The following RLN1 variants were observed in gnomAD, a reference collection of about 807,000 sequenced individuals.
RLN1 encodes prorelaxin H1.
In RLN1, 4 loss-of-function variants were observed where a neutral mutation model predicts 7.2. The ratio of observed to expected loss-of-function variants is 0.56; its 90% CI spans 0.28 to 1.28. The LOEUF is 1.28. RLN1 is among the 50% of genes most tolerant of loss of function. The pLI is 0.11. For synonymous variants in RLN1, 105 were observed against 86.0 expected (o/e 1.22, Z -1.22); for missense variants, 293 against 221.1 (o/e 1.32, Z -2.06).
chr9:5,339,557 G>C lies in RLN1; in HGVS notation c.190C>G (p.Gln64Glu). 1 of 1,599,584 alleles carries C rather than the reference G, an allele frequency of 6.3e-7. No homozygotes were observed. The highest frequency in any genetic ancestry group is 1.4e-5 in the African/African-American group (1 of 70,392). The change falls in exon 1 of 2, where the codon CAG becomes GAG. Residue 64 changes from glutamine to glutamate, a missense_variant. Coordinates refer to ENST00000223862, the MANE Select transcript of RLN1 (RefSeq NM_006911.4). Reference protein sequence around the residue: ...KRSLSQEDAPQTPRPVAEIVP... With the variant: ...KRSLSQEDAPETPRPVAEIVP... The stretch of plus-strand genomic sequence containing the variant: ...TCACCTGCCACTGGTCTAGGTGTCT[G>C]AGGAGCATCTTCCTGGCTCAGAGAC...
chr9:5,335,940 C>G (rs7022239), intron 1 of RLN1, among the ~76,000 whole-genome samples: 105,004 of 151,810 alleles, frequency 0.69, 36,632 homozygotes, highest in South Asian at 0.81. Context: ...TTTGGCCACA[C>G]ATAGTGGTCA....
upstream of RLN1, among the ~76,000 whole-genome samples, chr9:5,340,487 CTA>C (rs1180382835): frequency 6.6e-6 from 1 of 151,960 alleles, no homozygotes; most frequent in African/African-American, 2.4e-5. Context: ...AAATTCTAGT[CTA>C]TGTCTCTGGA....
upstream of RLN1, among the ~76,000 whole-genome samples, chr9:5,340,589 T>C (rs1363987317): frequency 2.0e-5 from 3 of 152,160 alleles, no homozygotes; most frequent in Non-Finnish European, 4.4e-5. Context: ...GCAGTGGACA[T>C]CCCACATTCC....
intron 1 of RLN1, among the ~76,000 whole-genome samples, chr9:5,336,032 G>T (rs2181145): frequency 2.6e-5 from 4 of 151,878 alleles, no homozygotes; most frequent in Admixed American, 6.6e-5. Flanking sequence ...TAGTAACAAC[G>T]CTTGAAAAAG....
At position 5,339,720 on chromosome 9, in the gene RLN1, C is replaced by T; in HGVS notation, c.27G>A (p.Leu9=). ...GGTTCAGTAGTAAACAGAATTCTAG[C>T]AGGTGGAACAAGAACAGGCGAGGCA... is the stretch of plus-strand genomic sequence containing the variant. MPRLFLFH[L]LEFCLLLNQF... is the part of the protein sequence containing the mutation. The change falls in exon 1 of 2, where the codon CTG becomes CTA. Residue 9 remains leucine (L), a synonymous_variant. Transcript: ENST00000223862. 3.1e-6 allele frequency: 5 copies of T among 1,613,458 alleles called. No individual in the cohort carries two copies. The highest frequency in any genetic ancestry group is 4.2e-6 in the Non-Finnish European group (5 of 1,180,024).
At chr9:5,340,597 T>C (rs920513132), upstream of RLN1, among the ~76,000 whole-genome samples, 2 of 152,174 alleles carry the variant, frequency 1.3e-5, no homozygotes, top group Non-Finnish European at 2.9e-5. Context: ...CATCCCACAT[T>C]CCCAGAAATA....
chr9:5,340,891 T>G (rs1563757959), upstream of RLN1, among the ~76,000 whole-genome samples: 1 of 152,232 alleles, frequency 6.6e-6, no homozygotes, highest in Non-Finnish European at 1.5e-5. Context: ...CAGGACGTTA[T>G]GGTAGCTTTG....
At chr9:5,337,055 G>A (rs1184559882) in intron 1 of RLN1, among the ~76,000 whole-genome samples, 1 of 152,008 alleles carries the variant, frequency 6.6e-6, no homozygotes, top group African/African-American at 2.4e-5. Flanking sequence ...TAACACTCTC[G>A]CTCATCCACA....
chr9:5,337,800 AT>A (rs1394947393), intron 1 of RLN1, among the ~76,000 whole-genome samples: 2 of 152,030 alleles, frequency 1.3e-5, no homozygotes, highest in Non-Finnish European at 2.9e-5. Context: ...TTGAAATCTC[AT>A]GTCTCTTCTA....
intron 1 of RLN1, among the ~76,000 whole-genome samples, chr9:5,336,289 C>T (rs952576609): frequency 6.6e-6 from 1 of 152,048 alleles, no homozygotes; most frequent in Admixed American, 6.6e-5. Context: ...AGAAGAGATT[C>T]ATATGTGCTG....
chr9:5,337,597 C>G (rs1816923845), intron 1 of RLN1, among the ~76,000 whole-genome samples: 1 of 151,882 alleles, frequency 6.6e-6, no homozygotes, highest in Non-Finnish European at 1.5e-5. Context: ...AACGTGAAAG[C>G]AAGTAGCAAT....
At position 5,339,539 on chromosome 9, in the gene RLN1, C is replaced by T. The variant is rs775200238; in HGVS notation, c.208G>A (p.Ala70Thr). The change falls in exon 1 of 2, where the codon GCA (alanine) becomes ACA (threonine). Residue 70 changes from alanine (A) to threonine (T), a missense_variant. By Grantham distance (58) the Ala-to-Thr change is moderately conservative. Transcript: ENST00000223862. ...GGGAGGGGGCGGGAGCTCTCACCTGCCACTGGTCTAGGTGTCTGAGGAGCA... is the reference window on the plus strand; with the variant it reads ...GGGAGGGGGCGGGAGCTCTCACCTGTCACTGGTCTAGGTGTCTGAGGAGCA... ...EDAPQTPRPVAEIVPSFINKD... is the reference protein window; with the variant it reads ...EDAPQTPRPVTEIVPSFINKD... The T allele has an allele frequency of 6.3e-7, 1 of 1,578,170 alleles. No individual in the cohort carries two copies. The highest frequency in any genetic ancestry group is 1.5e-5 in the African/African-American group (1 of 67,404).
rs757298796 is a variant in RLN1, at chr9:5,335,612, A to C, written c.212-15T>G. 1.3e-6 allele frequency: 2 copies of C among 1,555,186 alleles called. No homozygotes were observed. The highest frequency in any genetic ancestry group is 1.8e-6 in the Non-Finnish European group (2 of 1,136,104). On this transcript the variant is annotated splice_polypyrimidine_tract_variant and intron_variant, in intron 1 of 1. Transcript: ENST00000223862. ...TGGTACAATTTCTGTTAAGTTTAAA[A>C]AAAAAGTGTATGTGAAGGCGTATTC...
Position 5,339,689 on chromosome 9 carries a change from A to G in RLN1, c.58T>C (p.Ser20Pro), listed in dbSNP as rs756954473. 69 of 1,613,134 alleles carry G rather than the reference A, an allele frequency of 4.3e-5. No individual in the cohort carries two copies. The highest frequency in any genetic ancestry group is 5.5e-5 in the Non-Finnish European group (65 of 1,180,028). ...TTCCATTTGGCCGCGACTGCTCTGG[A>G]AAATTGGTTCAGTAGTAAACAGAAT... ...LEFCLLLNQF[S>P]RAVAAKWKDD... Residue 20 changes from serine (S) to proline (P), a missense_variant, in exon 1 of 2, where the codon TCC (serine) becomes CCC (proline). Ser to Pro is a moderately conservative substitution (Grantham distance 74). Transcript: ENST00000223862.
chr9:5,335,388 C>G lies in RLN1; in HGVS notation c.421G>C (p.Ala141Pro). The G allele has an allele frequency of 6.2e-7, 1 of 1,613,562 alleles. No individual in the cohort carries two copies. The highest frequency in any genetic ancestry group is 8.5e-7 in the Non-Finnish European group (1 of 1,179,698). Residue 141 changes from alanine (A) to proline (P), a missense_variant, in exon 2 of 2, where the codon GCA (alanine) becomes CCA (proline). By Grantham distance (27) the Ala-to-Pro change is conservative. Transcript: ENST00000223862. ...KLIRNRQSEA[A>P]DSNPSELKYL... ...TTTAATTCTGAAGGATTGCTGTCTGCGGCTTCACTTTGCCTATTGCGAATA... is the reference window on the plus strand; with the variant it reads ...TTTAATTCTGAAGGATTGCTGTCTGGGGCTTCACTTTGCCTATTGCGAATA...
intron 1 of RLN1, among the ~76,000 whole-genome samples, chr9:5,336,209 C>G (rs976822308): frequency 6.6e-6 from 1 of 152,092 alleles, no homozygotes; most frequent in African/African-American, 2.4e-5. Flanking sequence ...CTAATTACTC[C>G]AAATCAATAG....
chr9:5,337,567 T>C (rs1816923387), intron 1 of RLN1, among the ~76,000 whole-genome samples: 1 of 151,988 alleles, frequency 6.6e-6, no homozygotes, highest in African/African-American at 2.4e-5. Flanking sequence ...TAAGATAAAA[T>C]GGTTATCTAA....
upstream of RLN1, chr9:5,339,990 C>T (rs1816960106): frequency 3.6e-6 from 2 of 559,142 alleles, no homozygotes; most frequent in African/African-American, 1.9e-5. Flanking sequence ...TCCGCCCTTC[C>T]TTCATTTGCC....
At chr9:5,339,392 A>C in intron 1 of RLN1, 144 bp downstream of exon 1, 1 of 576,268 alleles carries the variant, frequency 1.7e-6, no homozygotes, top group Non-Finnish European at 2.9e-6. Flanking sequence ...AACTTTAGGG[A>C]CCAGCCACGG....
Sources: allele counts gnomAD v4.1 joint callset (sites outside exome capture counted in the v4.1 genomes callset), GRCh38; gene constraint gnomAD v4.1.1; transcripts MANE v1.5; gene names NCBI Gene and HGNC (gene_info 2026-07-23, HGNC 2026-07-21).